The following TMEM202 variants were observed in gnomAD, a reference collection of about 807,000 sequenced individuals.
The protein encoded by TMEM202 is transmembrane protein 202.
TMEM202 carries 25 observed loss-of-function variants against 26.1 expected under a neutral mutation model. The observed-to-expected ratio is 0.96, with a 90% CI of 0.70 to 1.34. The LOEUF is 1.34. Among genes scored for constraint, TMEM202 ranks in the 40% most tolerant of loss-of-function variants. TMEM202 has a pLI of 0.00. For synonymous variants in TMEM202, 122 were observed against 119.0 expected, an observed-to-expected ratio of 1.02 and a Z score of -0.16; for missense variants, 301 against 327.7, an observed-to-expected ratio of 0.92 and a Z score of 0.63.
chr15:72,398,592 G>A, intron 1 of TMEM202, 61 bp from the exon 2 acceptor site: 1 of 1,590,556 alleles, frequency 6.3e-7, no homozygotes, highest in Non-Finnish European at 8.6e-7. Context: ...GAGAAGAGCG[G>A]GTGACCCTGG....
chr15:72,407,345 G>T, intron 4 of TMEM202, 128 bp downstream of exon 4: 1 of 1,139,002 alleles, frequency 8.8e-7, no homozygotes, highest in Admixed American at 2.2e-5. Flanking sequence ...TGGAGAGTCA[G>T]GGGGGCATAA....
In TMEM202 at chr15:72,403,535, T is replaced by C. The variant is rs1021544726; in HGVS notation, c.338-3067T>C. Among the ~76,000 whole-genome samples the C allele has an allele frequency of 9.9e-5, 15 of 152,278 alleles. No homozygotes were observed. In the East Asian group the frequency reaches 2.9e-3, roughly 29 times the overall value. On this transcript the variant is annotated intron_variant, in intron 2 of 4. Transcript: ENST00000341689. Reference sequence around the variant, plus strand: ...GTGTTCGTTTTATCTCAGGCACTCCTTTTTCCGGACCAAGGCTTCTTACAG... The same window carrying C: ...GTGTTCGTTTTATCTCAGGCACTCCCTTTTCCGGACCAAGGCTTCTTACAG...
At chr15:72,405,948 T>A (rs2063568915) in intron 2 of TMEM202, among the ~76,000 whole-genome samples, 2 of 152,128 alleles carry the variant, frequency 1.3e-5, no homozygotes, top group Admixed American at 1.3e-4. Context: ...ATAAATAAAG[T>A]AAATGTGACT....
intron 2 of TMEM202, among the ~76,000 whole-genome samples, chr15:72,401,388 A>G (rs1375422723): frequency 1.3e-5 from 2 of 152,142 alleles, no homozygotes; most frequent in East Asian, 3.9e-4. Flanking sequence ...TACAAAAAAT[A>G]CAAAAATTAG....
chr15:72,400,394 G>A (rs1190494126), intron 2 of TMEM202, among the ~76,000 whole-genome samples: 1 of 152,158 alleles, frequency 6.6e-6, no homozygotes, highest in Non-Finnish European at 1.5e-5. Flanking sequence ...TCCTGTACAT[G>A]CCATGCAAAT....
At chr15:72,406,538 G>GA in intron 2 of TMEM202, 64 bp from the exon 3 acceptor site, 1 of 1,369,418 alleles carries the variant, frequency 7.3e-7, no homozygotes, top group African/African-American at 1.4e-5. Context: ...ACTCTATCTG[G>GA]CCTTTTTAAG....
Position 72,398,344 on chromosome 15 carries a change from T to G in TMEM202, c.18T>G (p.His6Gln), listed in dbSNP as rs771749713. The G allele has an allele frequency of 6.2e-7, 1 of 1,613,226 alleles. No homozygotes were observed. The highest frequency in any genetic ancestry group is 8.5e-7 in the Non-Finnish European group (1 of 1,179,746). The change falls in exon 1 of 5, where the codon CAT (histidine) becomes CAG (glutamine). Residue 6 changes from histidine (H) to glutamine (Q), a missense_variant. Transcript: ENST00000341689. The stretch of plus-strand genomic sequence containing the variant: ...CTGCCAAGATGGAGCGAAGGGAACA[T>G]TTAACCTTGACTTTCCACAGTCCTG... MERRE[H>Q]LTLTFHSPEV...
intron 2 of TMEM202, among the ~76,000 whole-genome samples, chr15:72,402,496 A>G (rs768240002): frequency 6.2e-4 from 94 of 152,294 alleles, no homozygotes; most frequent in Non-Finnish European, 1.1e-3. Context: ...ACCTGGGTCT[A>G]GATGACTGAC....
At chr15:72,400,359 C>T (rs1278789200) in intron 2 of TMEM202, among the ~76,000 whole-genome samples, 2 of 152,138 alleles carry the variant, frequency 1.3e-5, no homozygotes, top group African/African-American at 4.8e-5. Context: ...AATGATAATG[C>T]AACTGCTATC....
chr15:72,398,413 G>A lies in TMEM202; in HGVS notation c.81+6G>A. 1 of 1,606,084 alleles carries A rather than the reference G, an allele frequency of 6.2e-7. No homozygotes were observed. Among genetic ancestry groups the A allele is most frequent in the East Asian group, 2.2e-5 (1 of 44,830 alleles). ...GGAACCGGAAATACCAAAGGGTGAG[G>A]AGGTATCTAATTGAAAGTCAGATGG... On this transcript the variant is annotated splice_donor_region_variant and intron_variant, in intron 1 of 4. Coordinates refer to ENST00000341689, the MANE Select transcript of TMEM202 (RefSeq NM_001080462.3).
At chr15:72,406,910 A>G (rs2063574529) in intron 3 of TMEM202, among the ~76,000 whole-genome samples, 159 bp downstream of exon 3, 1 of 152,008 alleles carries the variant, frequency 6.6e-6, no homozygotes, top group Non-Finnish European at 1.5e-5. Flanking sequence ...TATAGAACAC[A>G]CCTTAGCTGA....
intron 3 of TMEM202, 75 bp downstream of exon 3, chr15:72,406,826 C>T (rs1417799808): frequency 6.7e-7 from 1 of 1,495,776 alleles, no homozygotes; most frequent in Non-Finnish European, 9.2e-7. Flanking sequence ...GTGGAACTCT[C>T]ATACTCTTTT....
At position 72,408,005 on chromosome 15, in the gene TMEM202, A is replaced by G; in HGVS notation, c.*112A>G. ...TATCATGTCCATATTACTTGAGGAG[A>G]CAGCATTAAAGCTGATGAAATGTCT... On this transcript the variant is annotated 3_prime_UTR_variant, in exon 5 of 5. Coordinates refer to ENST00000341689, the MANE Select transcript of TMEM202 (RefSeq NM_001080462.3). The G allele has an allele frequency of 1.2e-6, 1 of 825,806 alleles. No individual in the cohort carries two copies. The allele number at this position is 825,806 out of a possible 1,614,324, so 51.2% of individuals were successfully genotyped here.
intron 2 of TMEM202, among the ~76,000 whole-genome samples, chr15:72,403,313 T>C (rs1267057600): frequency 6.6e-6 from 1 of 152,104 alleles, no homozygotes; most frequent in African/African-American, 2.4e-5. Flanking sequence ...TCTACGAAAA[T>C]CTTACCAAGT....
rs117550304 is a variant in TMEM202 at position 72,401,362 on chromosome 15, G to C, written c.337+2454G>C. 2.0e-5 allele frequency among the ~76,000 whole-genome samples: 3 copies of C among 152,196 alleles called. No homozygotes were observed. The East Asian group carries it at 5.8e-4, about 29-fold the overall frequency. On this transcript the variant is annotated intron_variant, in intron 2 of 4. Coordinates refer to ENST00000341689, the MANE Select transcript of TMEM202 (RefSeq NM_001080462.3). ...AGTTCAAGACCAGCCTGAGCAACAA[G>C]GTAAAACCCTGTCTCTACAAAAAAT...
At chr15:72,406,476 T>A (rs2063571945) in intron 2 of TMEM202, 126 bp from the exon 3 acceptor site, 2 of 684,750 alleles carry the variant, frequency 2.9e-6, no homozygotes. Context: ...AAAAAGGATG[T>A]CATGTAGCAA....
rs2063575651 is a variant in TMEM202 at position 72,407,072 on chromosome 15, C to T, written c.488-14C>T. On this transcript the variant is annotated splice_polypyrimidine_tract_variant and intron_variant, in intron 3 of 4. Coordinates refer to ENST00000341689, the MANE Select transcript of TMEM202 (RefSeq NM_001080462.3). ...GATGCTGATGGGTTGTGACATCTTT[C>T]CTTCTGGTCCTAGCTACCTGCTTGC... 6.2e-7 allele frequency: 1 copy of T among 1,610,948 alleles called. No homozygotes were observed. Among genetic ancestry groups the T allele is most frequent in the Non-Finnish European group, 8.5e-7 (1 of 1,179,308 alleles).
rs375698920 is a variant in TMEM202, at chr15:72,398,407, G to A, written c.81G>A (p.Arg27=). 1.9e-6 allele frequency: 3 copies of A among 1,608,104 alleles called. No homozygotes were observed. In the African/African-American group the frequency reaches 4.0e-5, roughly 21 times the overall value. Residue 27 remains arginine (R), a splice_region_variant and synonymous_variant, in exon 1 of 5, where the codon AGG becomes AGA. Transcript: ENST00000341689. ...TAAAGGGGAACCGGAAATACCAAAGGGTGAGGAGGTATCTAATTGAAAGTC... is the reference window on the plus strand; with the variant it reads ...TAAAGGGGAACCGGAAATACCAAAGAGTGAGGAGGTATCTAATTGAAAGTC... The part of the protein sequence containing the change: ...PKIKGNRKYQ[R]PTVPAKKHPS...
intron 2 of TMEM202, among the ~76,000 whole-genome samples, chr15:72,402,395 G>A (rs1321416650): frequency 6.6e-6 from 1 of 152,158 alleles, no homozygotes; most frequent in Non-Finnish European, 1.5e-5. Context: ...AAGTTTCACA[G>A]GGGCTATCTC....
Sources: gnomAD v4.1 joint callset for allele counts (sites outside exome capture counted in the v4.1 genomes callset) on GRCh38, gnomAD v4.1.1 for gene constraint, MANE v1.5 for transcripts, NCBI Gene and HGNC (gene_info 2026-07-23, HGNC 2026-07-21) for gene names.